Variants in FAM184A observed in about 807,000 individuals in gnomAD.
The protein encoded by FAM184A is protein FAM184A.
Under a neutral mutation model 143.8 loss-of-function variants are expected in FAM184A, and 99 were observed. That is an observed-to-expected ratio of 0.69 (90% CI 0.58 to 0.81). FAM184A has a LOEUF of 0.81. Ranked by LOEUF, FAM184A falls within the 40% of genes least tolerant of loss-of-function variation. The pLI is 0.00. For missense variants in FAM184A, 1,217 were observed against 1,310.5 expected (o/e 0.93, Z 1.10); for synonymous variants, 427 against 446.4 (o/e 0.96, Z 0.55).
intron 1 of FAM184A, among the ~76,000 whole-genome samples, chr6:119,084,554 A>G (rs893926384): frequency 3.3e-5 from 5 of 152,138 alleles, no homozygotes; most frequent in African/African-American, 1.2e-4. Flanking sequence ...TGCCTGTGGC[A>G]TTTCCAGGCA....
chr6:118,976,085 A>G lies in FAM184A; in HGVS notation c.2456-41T>C, dbSNP rs754009816. The G allele has an allele frequency of 1.9e-6, 3 of 1,587,222 alleles. No homozygotes were observed. In the South Asian group the frequency reaches 3.5e-5, roughly 18 times the overall value. ...AAAAATACATTTGGCACATTTAAAAAATATTATCAATACTTTAGATAAAAA... is the reference window on the plus strand; with the variant it reads ...AAAAATACATTTGGCACATTTAAAAGATATTATCAATACTTTAGATAAAAA... On this transcript the variant is annotated intron_variant, in intron 11 of 17. Transcript: ENST00000338891.
At chr6:118,985,678 C>A (rs998400970) in intron 9 of FAM184A, among the ~76,000 whole-genome samples, 1 of 152,160 alleles carries the variant, frequency 6.6e-6, no homozygotes. Context: ...AAATGGAAAT[C>A]CCTGGAAGGT....
chr6:118,973,420 CAAG>C (rs1047905067), intron 14 of FAM184A, among the ~76,000 whole-genome samples: 18 of 152,024 alleles, frequency 1.2e-4, no homozygotes, highest in African/African-American at 4.3e-4. Context: ...CACAGGAAAC[CAAG>C]AAGGTCCACT....
At chr6:119,053,629 A>C (rs1786849051) in intron 1 of FAM184A, among the ~76,000 whole-genome samples, 1 of 152,180 alleles carries the variant, frequency 6.6e-6, no homozygotes, top group Non-Finnish European at 1.5e-5. Flanking sequence ...TAGTATAAGA[A>C]TCACTAAGTG....
At chr6:119,003,686 A>C in intron 7 of FAM184A, 64 bp from the exon 8 acceptor site, 1 of 1,485,394 alleles carries the variant, frequency 6.7e-7, no homozygotes, top group Non-Finnish European at 9.0e-7. Context: ...GGTTATTTTA[A>C]ATAAGTAAAG....
At chr6:119,063,606 C>T (rs917625618) in intron 1 of FAM184A, among the ~76,000 whole-genome samples, 1 of 152,146 alleles carries the variant, frequency 6.6e-6, no homozygotes, top group Non-Finnish European at 1.5e-5. Context: ...CACTTAACCT[C>T]TCTAACATTC....
chr6:119,119,912 AG>A (rs576741094), intron 1 of FAM184A, among the ~76,000 whole-genome samples: 36 of 152,328 alleles, frequency 2.4e-4, no homozygotes, highest in African/African-American at 8.7e-4. Flanking sequence ...TGAGCCCAGG[AG>A]GTCGAGGCTG....
chr6:119,023,662 G>A (rs1005305577), intron 2 of FAM184A, among the ~76,000 whole-genome samples: 11 of 148,452 alleles, frequency 7.4e-5, no homozygotes, highest in African/African-American at 2.7e-4. Flanking sequence ...CCAAAGTGCT[G>A]GGATTACAGG....
chr6:119,111,051 AT>A (rs1477315162), intron 1 of FAM184A, among the ~76,000 whole-genome samples: 2 of 152,228 alleles, frequency 1.3e-5, no homozygotes, highest in African/African-American at 2.4e-5. Flanking sequence ...CTTACTTAAA[AT>A]TGAAGTTTCT....
chr6:118,965,589 G>A (rs779939303), intron 15 of FAM184A, among the ~76,000 whole-genome samples: 13 of 152,182 alleles, frequency 8.5e-5, no homozygotes, highest in Non-Finnish European at 1.9e-4. Flanking sequence ...ACATTCTAGT[G>A]AAATCTAGTA....
intron 16 of FAM184A, chr6:118,962,165 G>T (rs1783349903): frequency 5.2e-6 from 3 of 579,216 alleles, no homozygotes; most frequent in Non-Finnish European, 9.2e-6. Flanking sequence ...CTCAAAGACA[G>T]ACATGCTACC....
At chr6:119,141,579 C>T (rs577364171) in intron 1 of FAM184A, among the ~76,000 whole-genome samples, 7 of 152,218 alleles carry the variant, frequency 4.6e-5, no homozygotes, top group South Asian at 2.1e-4. Context: ...CAGGTTCAAG[C>T]GATTCTCCTG....
rs1279513325 is a variant in FAM184A at position 119,096,558 on chromosome 6, C to T, written c.-202+52520G>A. On this transcript the variant is annotated intron_variant, in intron 1 of 16. Coordinates refer to the FAM184A transcript ENST00000352896. The stretch of plus-strand genomic sequence containing the variant: ...GGCTGAGGCAGGAGAATGGCGTGAA[C>T]CCGGGAGGCGGAGCTTGCAGTGAGC... 3.8e-5 allele frequency among the ~76,000 whole-genome samples: 2 copies of T among 53,300 alleles called. 1 individual carries two copies. The highest frequency in any genetic ancestry group is 7.1e-5 in the Non-Finnish European group (2 of 28,278). The allele number at this position is 53,300 out of a possible 152,430, so 35.0% of individuals were successfully genotyped here.
intron 1 of FAM184A, among the ~76,000 whole-genome samples, chr6:119,039,667 G>T (rs1786246138): frequency 1.3e-5 from 2 of 152,306 alleles, no homozygotes; most frequent in East Asian, 3.9e-4. Context: ...AGCTAGGCAA[G>T]ACTGGGGCTG....
chr6:118,960,547 G>A lies in FAM184A; in HGVS notation c.3342-363C>T, dbSNP rs566974594. On this transcript the variant is annotated intron_variant, in intron 17 of 17. Transcript: ENST00000338891. ...AGCACCTTTTCTCTTTTAGCTGATC[G>A]TACAGATGTGTCCTTAAATATAACT... is the stretch of plus-strand genomic sequence containing the variant. Among the ~76,000 whole-genome samples the A allele has an allele frequency of 1.2e-4, 18 of 152,214 alleles. No individual in the cohort carries two copies. In the South Asian group the frequency reaches 3.5e-3, roughly 30 times the overall value.
chr6:119,146,011 A>T (rs1456272309), intron 1 of FAM184A, among the ~76,000 whole-genome samples: 1 of 152,182 alleles, frequency 6.6e-6, no homozygotes, highest in African/African-American at 2.4e-5. Context: ...TATTTCCCCA[A>T]ATGTGGCACT....
intron 14 of FAM184A, among the ~76,000 whole-genome samples, chr6:118,969,992 T>TATATAA (rs10643600): frequency 1.3e-3 from 20 of 14,986 alleles, no homozygotes; most frequent in South Asian, 2.2e-3. Context: ...TATATATATA[T>TATATAA]AATATATATA....
At chr6:119,056,061 A>C (rs1352775848) in intron 1 of FAM184A, among the ~76,000 whole-genome samples, 1 of 152,226 alleles carries the variant, frequency 6.6e-6, no homozygotes, top group African/African-American at 2.4e-5. Flanking sequence ...AAGCAGGATA[A>C]ACTGAAATAG....
At chr6:119,043,185 T>C (rs1786408130) in intron 1 of FAM184A, among the ~76,000 whole-genome samples, 1 of 152,172 alleles carries the variant, frequency 6.6e-6, no homozygotes, top group African/African-American at 2.4e-5. Flanking sequence ...TCAATTTTCA[T>C]GAACCTATCA....
Sources: gnomAD v4.1 joint callset for allele counts (sites outside exome capture counted in the v4.1 genomes callset) on GRCh38, gnomAD v4.1.1 for gene constraint, MANE v1.5 for transcripts, NCBI Gene and HGNC (gene_info 2026-07-23, HGNC 2026-07-21) for gene names.